MPC1: variants seen among roughly 807,000 people sequenced by gnomAD.
MPC1 encodes mitochondrial pyruvate carrier 1, also known as HSPC040 protein.
In MPC1, 6 loss-of-function variants were observed where a neutral mutation model predicts 13.9. The ratio of observed to expected loss-of-function variants is 0.43; its 90% CI spans 0.24 to 0.85. MPC1 has a LOEUF of 0.85. Ranked by LOEUF, MPC1 falls within the 40% of genes least tolerant of loss-of-function variation. The probability of loss-of-function intolerance (pLI) is 0.24; values close to 1 mark genes in which losing one functional copy is unlikely to be tolerated. For synonymous variants in MPC1, 47 were observed against 50.5 expected, an observed-to-expected ratio of 0.93 and a Z score of 0.29; for missense variants, 115 against 143.3, an observed-to-expected ratio of 0.80 and a Z score of 1.01.
At chr6:166,370,115 T>C (rs766805102) in intron 2 of MPC1, 103 bp downstream of exon 2, 1 of 775,134 alleles carries the variant, frequency 1.3e-6, no homozygotes, top group South Asian at 1.4e-5. Flanking sequence ...CCATGGCGGC[T>C]AGAAAGGCTC....
At chr6:166,368,731 A>T (rs1303604517) in intron 2 of MPC1, 8 of 981,954 alleles carry the variant, frequency 8.1e-6, no homozygotes, top group Non-Finnish European at 8.5e-6. Context: ...TTACCTACTT[A>T]CTTCTTTTCT....
intron 2 of MPC1, 138 bp from the exon 3 acceptor site, chr6:166,367,029 G>T (rs1436559202): frequency 6.6e-7 from 1 of 1,522,100 alleles, no homozygotes; most frequent in Non-Finnish European, 8.8e-7. Context: ...CAGGTTTACT[G>T]GGTTAATTGA....
chr6:166,370,854 A>C (rs1419513459), intron 1 of MPC1, among the ~76,000 whole-genome samples: 1 of 152,242 alleles, frequency 6.6e-6, no homozygotes, highest in African/African-American at 2.4e-5. Context: ...AAAGAAAAGT[A>C]GAAAAGTAAA....
chr6:166,373,481 A>C (rs1483781621), intron 1 of MPC1, among the ~76,000 whole-genome samples: 1 of 152,210 alleles, frequency 6.6e-6, no homozygotes, highest in Non-Finnish European at 1.5e-5. Flanking sequence ...GTGCTGAATA[A>C]TATTCCATTG....
intron 1 of MPC1, 96 bp downstream of exon 1, chr6:166,382,710 C>T: frequency 7.6e-7 from 1 of 1,322,580 alleles, no homozygotes; most frequent in Non-Finnish European, 1.0e-6. Flanking sequence ...CCCGGGGCCA[C>T]CGCGTCCTCG....
chr6:166,378,209 A>G (rs1779638533), intron 1 of MPC1, among the ~76,000 whole-genome samples: 1 of 152,176 alleles, frequency 6.6e-6, no homozygotes, highest in African/African-American at 2.4e-5. Flanking sequence ...GCAACTTCTC[A>G]CCTGGGTAGT....
rs767531439 is a variant in MPC1, at chr6:166,382,898, C to A, written c.-22G>T. 1 of 1,587,414 alleles carries A rather than the reference C, an allele frequency of 6.3e-7. No homozygotes were observed. The highest frequency in any genetic ancestry group is 1.1e-5 in the South Asian group (1 of 87,684). ...CCATGGCTGTGCCGACACCAGACCC[C>A]GAGTGGTCCCTGCCTCTGCTGCCGC... On this transcript the variant is annotated 5_prime_UTR_variant, in exon 1 of 5. Transcript: ENST00000360961.
rs955674358 is a variant in MPC1 at position 166,372,172 on chromosome 6, TAC to T, written c.72-1953_72-1952del. 1.5e-4 allele frequency among the ~76,000 whole-genome samples: 23 copies of T among 152,316 alleles called. 1 individual carries two copies. The highest frequency in any genetic ancestry group is 5.1e-4 in the African/African-American group (21 of 41,580). On this transcript the variant is annotated intron_variant, in intron 1 of 4. Coordinates refer to ENST00000360961, the MANE Select transcript of MPC1 (RefSeq NM_016098.4). ...ACCTACGGCATTGCTCTCCTTCAAATACCTTTGTCAGTATCTGAACACTGGCC... is the reference window on the plus strand; with the variant it reads ...ACCTACGGCATTGCTCTCCTTCAAATCTTTGTCAGTATCTGAACACTGGCC...
chr6:166,376,778 C>T lies in MPC1; in HGVS notation c.71+6028G>A, dbSNP rs1358287013. Among the ~76,000 whole-genome samples, 7 of 152,178 alleles carry T rather than the reference C, an allele frequency of 4.6e-5. No homozygotes were observed. The East Asian group carries it at 1.3e-3, about 29-fold the overall frequency. ...TATGCTCCATCTATAGCTACCAACG[C>T]CTTTTCTTGATTAATGTTAACATGG... is the stretch of plus-strand genomic sequence containing the variant. On this transcript the variant is annotated intron_variant, in intron 1 of 4. Coordinates refer to ENST00000360961, the MANE Select transcript of MPC1 (RefSeq NM_016098.4).
chr6:166,382,762 G>C (rs749057502), intron 1 of MPC1, 44 bp downstream of exon 1: 12 of 1,542,024 alleles, frequency 7.8e-6, no homozygotes, highest in Non-Finnish European at 1.0e-5. Context: ...CAGCCTCCCG[G>C]GAGCCCCTCC....
intron 1 of MPC1, among the ~76,000 whole-genome samples, chr6:166,376,868 G>A (rs6941755): frequency 0.074 from 11,249 of 152,148 alleles, 1,402 homozygotes; most frequent in African/African-American, 0.26. Context: ...TGGGTTTCTT[G>A]TAGACAATGT....
chr6:166,378,858 G>A (rs1052069437), intron 1 of MPC1, among the ~76,000 whole-genome samples: 16 of 152,098 alleles, frequency 1.1e-4, no homozygotes, highest in African/African-American at 3.9e-4. Context: ...TTTGTCAAGC[G>A]CTATACTATG....
At chr6:166,376,762 T>C (rs1779583664) in intron 1 of MPC1, among the ~76,000 whole-genome samples, 2 of 152,360 alleles carry the variant, frequency 1.3e-5, no homozygotes, top group South Asian at 4.1e-4. Context: ...GTATGCTCCA[T>C]CTATAGCTAC....
intron 1 of MPC1, among the ~76,000 whole-genome samples, chr6:166,372,037 T>G (rs1287981827): frequency 6.6e-6 from 1 of 152,150 alleles, no homozygotes; most frequent in Non-Finnish European, 1.5e-5. Flanking sequence ...ACAAATATAA[T>G]TATCCAAATT....
chr6:166,376,523 G>T (rs140809977), intron 1 of MPC1, among the ~76,000 whole-genome samples: 1 of 152,156 alleles, frequency 6.6e-6, no homozygotes, highest in Non-Finnish European at 1.5e-5. Context: ...CCACTTACAC[G>T]GGTGAGGGCA....
In MPC1 at chr6:166,365,253, T is replaced by C; in HGVS notation, c.*176A>G. The C allele has an allele frequency of 2.2e-6, 1 of 462,540 alleles. No homozygotes were observed. Among genetic ancestry groups the C allele is most frequent in the East Asian group, 3.5e-5 (1 of 28,638 alleles). The allele number at this position is 462,540 out of a possible 1,614,324, so 28.7% of individuals were successfully genotyped here. ...GGAAAGAAGTAAAATATTTAATACT[T>C]GTAAGGCAGCAGAGAGTTGGTTTAG... On this transcript the variant is annotated 3_prime_UTR_variant, in exon 5 of 5. Coordinates refer to ENST00000360961, the MANE Select transcript of MPC1 (RefSeq NM_016098.4). The surrounding 1 kb of genome is among the most constrained non-coding windows in gnomAD (Gnocchi z 4.2).
chr6:166,366,241 T>A, intron 3 of MPC1, 135 bp from the exon 4 acceptor site: 1 of 1,012,790 alleles, frequency 9.9e-7, no homozygotes, highest in African/African-American at 1.6e-5. Flanking sequence ...CAGATAAAAG[T>A]TGTTACTTAA....
At position 166,366,864 on chromosome 6, in the gene MPC1, C is replaced by T; in HGVS notation, c.103G>A (p.Gly35Ser). 6.2e-7 allele frequency: 1 copy of T among 1,613,952 alleles called. No homozygotes were observed. ...TCATTGATGGCAGCAATGGGAAGAC[C>T]CCAGTTGGCTACTGGGCCCCAGAAG... ...THFWGPVANW[G>S]LPIAAINDMK... Residue 35 changes from glycine (G) to serine (S), a missense_variant, in exon 3 of 5, where the codon GGT (glycine) becomes AGT (serine). This residue lies in a region of MPC1 where 3 missense variants were observed against 20.7 expected (regional missense o/e 0.15). Transcript: ENST00000360961.
intron 1 of MPC1, among the ~76,000 whole-genome samples, chr6:166,373,848 A>T (rs574377224): frequency 4.1e-4 from 60 of 146,004 alleles, no homozygotes; most frequent in African/African-American, 1.4e-3. Flanking sequence ...GATGTAGAAC[A>T]GTGGTGTCCA....
Sources: gnomAD v4.1 joint callset for allele counts (sites outside exome capture counted in the v4.1 genomes callset) on GRCh38, gnomAD v4.1.1 for gene constraint, gnomAD v4.1.1 regional missense constraint, Gnocchi (gnomAD v3.1) non-coding constraint, MANE v1.5 for transcripts, NCBI Gene and HGNC (gene_info 2026-07-23, HGNC 2026-07-21) for gene names.